Variants in NAV3 observed in about 807,000 individuals in gnomAD.
NAV3 encodes the protein neuron navigator 3.
Under a neutral mutation model 244.7 loss-of-function variants are expected in NAV3, and 87 were observed. That is an observed-to-expected ratio of 0.36 (90% confidence interval 0.30 to 0.42). The LOEUF (loss-of-function observed/expected upper bound fraction) is 0.42, where lower values mean the gene tolerates loss of function less well. NAV3 is among the 20% of genes least tolerant of loss of function. The probability of loss-of-function intolerance (pLI) is 1.00; values close to 1 mark genes in which losing one functional copy is unlikely to be tolerated. For synonymous variants in NAV3, 1,126 were observed against 1,042.2 expected (o/e 1.08, Z -1.55); for missense variants, 2,663 against 2,893.3 (o/e 0.92, Z 1.83).
At chr12:77,577,049 AT>A (rs1869120789) in intron 2 of NAV3, among the ~76,000 whole-genome samples, 1 of 152,114 alleles carries the variant, frequency 6.6e-6, no homozygotes, top group Admixed American at 6.6e-5. Flanking sequence ...TAAACTTCTC[AT>A]TTTTGAAACA....
chr12:78,036,127 C>A (rs944822764), intron 9 of NAV3: 4 of 152,182 alleles, frequency 2.6e-5, no homozygotes, highest in African/African-American at 4.8e-5. Flanking sequence ...CTCGTACAGG[C>A]TTGGCTCAGA....
At chr12:77,932,655 C>T (rs1158804764) in intron 1 of NAV3, among the ~76,000 whole-genome samples, 1 of 152,150 alleles carries the variant, frequency 6.6e-6, no homozygotes, top group Non-Finnish European at 1.5e-5. Context: ...CTAAACTTGA[C>T]TCTAAACTCC....
chr12:78,166,552 A>G (rs383637), intron 23 of NAV3, among the ~76,000 whole-genome samples: 7,166 of 151,852 alleles, frequency 0.047, 199 homozygotes, highest in Non-Finnish European at 0.072. Context: ...TATAGCATAT[A>G]TATTTCTTAA....
chr12:77,714,546 A>G (rs1876275505), intron 2 of NAV3, among the ~76,000 whole-genome samples: 1 of 152,166 alleles, frequency 6.6e-6, no homozygotes, highest in Non-Finnish European at 1.5e-5. Context: ...CCAGTAATTA[A>G]TTCCTTTAGA....
Position 78,043,748 on chromosome 12 carries a change from G to C in NAV3, c.2024-6245G>C, listed in dbSNP as rs538641243. On this transcript the variant is annotated intron_variant, in intron 9 of 39. Coordinates refer to ENST00000397909, the MANE Select transcript of NAV3 (RefSeq NM_001024383.2). ...AAATGTCTTCTTTTGAGAGGTGTCT[G>C]TTCATATACTTCACCCACTTTTTGA... Among the ~76,000 whole-genome samples, 20 of 152,288 alleles carry C rather than the reference G, an allele frequency of 1.3e-4. 1 individual carries two copies. The highest frequency in any genetic ancestry group is 3.1e-4 in the African/African-American group (13 of 41,558).
intron 5 of NAV3, among the ~76,000 whole-genome samples, chr12:77,971,770 G>A (rs918274604): frequency 2.6e-5 from 4 of 151,824 alleles, no homozygotes; most frequent in African/African-American, 9.7e-5. Flanking sequence ...TACTTCTCTG[G>A]GTATTTGGCC....
intron 5 of NAV3, among the ~76,000 whole-genome samples, chr12:77,992,725 G>A (rs2045985): frequency 0.031 from 4,667 of 152,230 alleles, 131 homozygotes; most frequent in African/African-American, 0.076. Context: ...ATACTCTTGA[G>A]GGAAAAATAC....
intron 23 of NAV3, 31 bp from the exon 24 acceptor site, chr12:78,168,724 C>T (rs1226553227): frequency 2.0e-6 from 3 of 1,470,588 alleles, no homozygotes; most frequent in East Asian, 2.3e-5. Context: ...CTTTCGGGTA[C>T]TAAAGCTTCC....
intron 17 of NAV3, among the ~76,000 whole-genome samples, chr12:78,127,904 T>G (rs964285932): frequency 3.3e-5 from 5 of 152,154 alleles, no homozygotes; most frequent in Non-Finnish European, 4.4e-5. Flanking sequence ...AATAAAAATT[T>G]AACTTATGGC....
chr12:77,577,724 TACTA>T (rs1291248294), intron 2 of NAV3, among the ~76,000 whole-genome samples: 1 of 152,194 alleles, frequency 6.6e-6, no homozygotes, highest in Non-Finnish European at 1.5e-5. Flanking sequence ...ATTATAATGA[TACTA>T]ATTATTATTA....
chr12:77,625,175 A>G (rs1871561126), intron 2 of NAV3, among the ~76,000 whole-genome samples: 1 of 152,124 alleles, frequency 6.6e-6, no homozygotes, highest in Admixed American at 6.5e-5. Flanking sequence ...ACTAATATAT[A>G]TGTATAAAAT....
intron 2 of NAV3, among the ~76,000 whole-genome samples, chr12:77,593,861 C>A (rs886517774): frequency 6.6e-6 from 1 of 151,818 alleles, no homozygotes; most frequent in Admixed American, 6.6e-5. Context: ...GTTTGTCAAA[C>A]GTCTTAATGT....
chr12:78,052,870 T>G (rs2137294446), intron 11 of NAV3, among the ~76,000 whole-genome samples: 1 of 152,188 alleles, frequency 6.6e-6, no homozygotes, highest in South Asian at 2.1e-4. Flanking sequence ...ACTATTCAAA[T>G]ATATTTATAT....
chr12:77,724,611 G>C (rs181998382), intron 2 of NAV3, among the ~76,000 whole-genome samples: 146 of 151,682 alleles, frequency 9.6e-4, no homozygotes, highest in African/African-American at 3.4e-3. Flanking sequence ...CTTTGTACTA[G>C]TATTTTTCCA....
intron 2 of NAV3, among the ~76,000 whole-genome samples, chr12:77,717,521 C>A (rs1450605507): frequency 6.6e-6 from 1 of 152,048 alleles, no homozygotes; most frequent in Admixed American, 6.6e-5. Flanking sequence ...TCCACTCATT[C>A]ATCAGTGGAC....
intron 12 of NAV3, among the ~76,000 whole-genome samples, chr12:78,076,980 G>T (rs1485277248): frequency 1.2e-4 from 19 of 152,112 alleles, no homozygotes; most frequent in Admixed American, 1.2e-3. Flanking sequence ...TCTTTGGATT[G>T]TGTCTAAAAC....
intron 2 of NAV3, among the ~76,000 whole-genome samples, chr12:77,818,247 A>T (rs1236244434): frequency 6.6e-6 from 1 of 152,168 alleles, no homozygotes; most frequent in Non-Finnish European, 1.5e-5. Flanking sequence ...ATTTCATAAG[A>T]ATCTGAGGTC....
intron 2 of NAV3, among the ~76,000 whole-genome samples, chr12:77,814,977 A>T (rs1293433963): frequency 6.6e-6 from 1 of 152,160 alleles, no homozygotes; most frequent in African/African-American, 2.4e-5. Flanking sequence ...GGCACTGTTC[A>T]TGGAGGAATC....
chr12:78,140,164 T>C (rs1246426157), intron 19 of NAV3, 118 bp from the exon 20 acceptor site: 1 of 797,032 alleles, frequency 1.3e-6, no homozygotes, highest in South Asian at 1.6e-5. Context: ...CAGAATCTTA[T>C]AGTTAGTTGT....
Sources: gnomAD v4.1 joint callset for allele counts (sites outside exome capture counted in the v4.1 genomes callset) on GRCh38, gnomAD v4.1.1 for gene constraint, MANE v1.5 for transcripts, NCBI Gene and HGNC (gene_info 2026-07-23, HGNC 2026-07-21) for gene names.